The following TEX9 variants were observed in gnomAD, a reference collection of about 807,000 sequenced individuals.
The protein encoded by TEX9 is testis-expressed protein 9.
In TEX9, 74 loss-of-function variants were observed where a neutral mutation model predicts 59.6. The observed-to-expected ratio is 1.24, with a 90% CI of 1.03 to 1.51. The LOEUF (loss-of-function observed/expected upper bound fraction) is 1.51, where lower values mean the gene tolerates loss of function less well. Ranked by LOEUF, TEX9 falls within the 40% of genes most tolerant of loss-of-function variation. The probability of loss-of-function intolerance (pLI) is 0.00; values close to 1 mark genes in which losing one functional copy is unlikely to be tolerated. For synonymous variants in TEX9, 186 were observed against 152.2 expected (o/e 1.22, Z -1.64); for missense variants, 522 against 447.8 (o/e 1.17, Z -1.49).
chr15:56,382,987 G>T (rs1596151907), intron 3 of TEX9, among the ~76,000 whole-genome samples: 1 of 152,168 alleles, frequency 6.6e-6, no homozygotes, highest in East Asian at 1.9e-4. Context: ...TTGTATCCTA[G>T]ACTGCCCTTC....
At chr15:56,246,445 A>G (rs1469328445) in intron 1 of TEX9, among the ~76,000 whole-genome samples, 1 of 152,200 alleles carries the variant, frequency 6.6e-6, no homozygotes, top group Non-Finnish European at 1.5e-5. Context: ...CAGTCTTCAG[A>G]GAAGACTGTG....
upstream of TEX9, chr15:56,365,320 GC>G: frequency 3.2e-6 from 4 of 1,269,810 alleles, no homozygotes; most frequent in Non-Finnish European, 4.2e-6. Flanking sequence ...GCTGCCAGAG[GC>G]TCGCGCCGCT....
intron 1 of TEX9, among the ~76,000 whole-genome samples, chr15:56,250,986 A>T (rs1379547230): frequency 6.6e-6 from 1 of 152,178 alleles, no homozygotes; most frequent in African/African-American, 2.4e-5. Flanking sequence ...CACTTACCAC[A>T]CTCTGTAAGT....
intron 3 of TEX9, among the ~76,000 whole-genome samples, chr15:56,376,777 T>C (rs772399179): frequency 2.0e-5 from 3 of 152,188 alleles, no homozygotes; most frequent in Non-Finnish European, 4.4e-5. Flanking sequence ...TTGTCCATTT[T>C]TGCTTTGGTG....
chr15:56,410,346 T>G (rs1293141590), intron 9 of TEX9, among the ~76,000 whole-genome samples: 3 of 152,174 alleles, frequency 2.0e-5, no homozygotes, highest in Non-Finnish European at 4.4e-5. Flanking sequence ...CCCCTCTCTT[T>G]TCTTACTCTC....
downstream of TEX9, among the ~76,000 whole-genome samples, chr15:56,450,214 G>C (rs1318089583): frequency 6.6e-6 from 1 of 152,060 alleles, no homozygotes; most frequent in Non-Finnish European, 1.5e-5. Context: ...TATGCCACAA[G>C]TTGGTTTCTT....
chr15:56,306,113 A>T (rs1010268015), intron 1 of TEX9, among the ~76,000 whole-genome samples: 2 of 152,186 alleles, frequency 1.3e-5, no homozygotes, highest in African/African-American at 4.8e-5. Context: ...AATGCTGGTG[A>T]GAATGCAGAG....
chr15:56,341,335 A>G (rs528241079), intron 1 of TEX9, among the ~76,000 whole-genome samples: 20 of 152,296 alleles, frequency 1.3e-4, no homozygotes, highest in African/African-American at 3.9e-4. Context: ...ATCTCCTTCT[A>G]GTAGATCCCA....
intron 1 of TEX9, among the ~76,000 whole-genome samples, chr15:56,278,750 G>T (rs557020695): frequency 6.6e-6 from 1 of 151,784 alleles, no homozygotes; most frequent in Non-Finnish European, 1.5e-5. Flanking sequence ...ATAGGTTTTG[G>T]GTTCCTCAAA....
intron 12 of TEX9, chr15:56,429,390 AC>A: frequency 2.3e-6 from 1 of 443,504 alleles, no homozygotes; most frequent in South Asian, 3.1e-5. Flanking sequence ...TCCTAGACTG[AC>A]CCAATTTTCT....
chr15:56,371,055 C>A (rs2047171024), intron 2 of TEX9, among the ~76,000 whole-genome samples: 1 of 152,100 alleles, frequency 6.6e-6, no homozygotes, highest in Non-Finnish European at 1.5e-5. Context: ...CGGGGTTTCG[C>A]TATGTTGGCC....
chr15:56,255,990 G>A (rs2044136977), intron 1 of TEX9, among the ~76,000 whole-genome samples: 1 of 151,780 alleles, frequency 6.6e-6, no homozygotes. Flanking sequence ...AAATCATTCA[G>A]GTTACATTTT....
intron 9 of TEX9, chr15:56,397,333 CAA>C (rs1325758775): frequency 7.8e-5 from 12 of 154,014 alleles, no homozygotes; most frequent in African/African-American, 2.7e-4. Flanking sequence ...GCAAAGCACT[CAA>C]GAGGTGACTT....
intron 1 of TEX9, among the ~76,000 whole-genome samples, chr15:56,305,968 T>G (rs368605533): frequency 1.8e-4 from 28 of 151,964 alleles, no homozygotes; most frequent in African/African-American, 6.5e-4. Flanking sequence ...CAAAAGGAAA[T>G]GTCAACAGGC....
intron 1 of TEX9, among the ~76,000 whole-genome samples, chr15:56,269,653 C>CTTTT (rs1309147898): frequency 4.6e-5 from 6 of 131,346 alleles, no homozygotes; most frequent in African/African-American, 1.1e-4. Flanking sequence ...CTTTTCTTTT[C>CTTTT]TTTTTTTTTT....
At position 56,342,323 on chromosome 15, in the gene TEX9, T is replaced by C. The variant is rs118145479; in HGVS notation, c.-106-31118T>C. ...GAAGCTAAGGCTCAGAGAGGTTAAG[T>C]GAAAAGGACACACAGCCACATGGCT... is the stretch of plus-strand genomic sequence containing the variant. On this transcript the variant is annotated intron_variant, in intron 1 of 5. Transcript: ENST00000560827. Among the ~76,000 whole-genome samples the C allele has an allele frequency of 9.4e-3, 1,430 of 152,240 alleles. 121 individuals carry two copies. The East Asian group carries it at 0.23, about 24-fold the overall frequency.
chr15:56,275,786 G>A (rs1403140686), intron 1 of TEX9, among the ~76,000 whole-genome samples: 1 of 151,580 alleles, frequency 6.6e-6, no homozygotes, highest in African/African-American at 2.4e-5. Context: ...ATGTACTACT[G>A]TGCTTCCATT....
intron 12 of TEX9, among the ~76,000 whole-genome samples, chr15:56,435,625 G>A (rs1189072790): frequency 6.6e-6 from 1 of 151,914 alleles, no homozygotes; most frequent in Non-Finnish European, 1.5e-5. Flanking sequence ...CACCAAATAT[G>A]AAATAAGGTA....
chr15:56,405,416 G>A (rs2049029811), intron 9 of TEX9, among the ~76,000 whole-genome samples: 1 of 151,908 alleles, frequency 6.6e-6, no homozygotes, highest in Admixed American at 6.6e-5. Flanking sequence ...TGACACCAAA[G>A]TCTGTGTTTT....
Sources: allele counts gnomAD v4.1 joint callset (sites outside exome capture counted in the v4.1 genomes callset), GRCh38; gene constraint gnomAD v4.1.1; transcripts MANE v1.5; gene names NCBI Gene and HGNC (gene_info 2026-07-23, HGNC 2026-07-21).